The following MAML3 variants were observed in gnomAD, a reference collection of about 807,000 sequenced individuals.
The protein encoded by MAML3 is mastermind like transcriptional coactivator 3.
MAML3 carries 27 observed loss-of-function variants against 101.9 expected under a neutral mutation model. That is an observed-to-expected ratio of 0.27 (90% CI 0.20 to 0.37). MAML3 has a LOEUF of 0.37. MAML3 is among the 10% of genes least tolerant of loss of function. The pLI is 1.00. For missense variants in MAML3, 1,316 were observed against 1,444.9 expected (o/e 0.91, Z 1.45); for synonymous variants, 501 against 555.9 (o/e 0.90, Z 1.39).
intron 1 of MAML3, among the ~76,000 whole-genome samples, chr4:140,039,593 A>C (rs1214325635): frequency 6.6e-6 from 1 of 152,012 alleles, no homozygotes; most frequent in Non-Finnish European, 1.5e-5. Flanking sequence ...GGCACAGCCC[A>C]CCCACCCCGA....
intron 1 of MAML3, among the ~76,000 whole-genome samples, chr4:140,030,746 C>T (rs938723237): frequency 6.6e-6 from 1 of 152,214 alleles, no homozygotes; most frequent in African/African-American, 2.4e-5. Context: ...CAACTAAGTG[C>T]TCCAGGGGTA....
In MAML3 at chr4:139,733,755, G is replaced by A. The variant is rs1424417540; in HGVS notation, c.2080-3088C>T. ...GCTGGGGTGCAGTGGTATGATCATA[G>A]CTCACTGCAACCTCCAACTCCTGGG... On this transcript the variant is annotated intron_variant, in intron 2 of 4. Transcript: ENST00000509479. Among the ~76,000 whole-genome samples the A allele has an allele frequency of 8.5e-5, 13 of 152,142 alleles. 1 individual carries two copies. In the East Asian group the frequency reaches 1.9e-3, roughly 23 times the overall value.
chr4:140,118,310 G>A (rs900066531), intron 1 of MAML3, among the ~76,000 whole-genome samples: 4 of 151,888 alleles, frequency 2.6e-5, no homozygotes, highest in East Asian at 1.9e-4. Flanking sequence ...GCCTCTCTGC[G>A]CCTCAGTTTC....
intron 1 of MAML3, among the ~76,000 whole-genome samples, chr4:140,068,199 G>C (rs1270547683): frequency 6.6e-6 from 1 of 152,162 alleles, no homozygotes; most frequent in Non-Finnish European, 1.5e-5. Flanking sequence ...AATGGGAAGA[G>C]TGTCAACTAG....
chr4:139,803,840 G>C (rs560937299), intron 2 of MAML3, among the ~76,000 whole-genome samples: 1 of 152,288 alleles, frequency 6.6e-6, no homozygotes, highest in South Asian at 2.1e-4. Context: ...GGTCAGAGTT[G>C]AAGATCTTGC....
chr4:140,074,177 A>AAGAAAG (rs1560885440), intron 1 of MAML3, among the ~76,000 whole-genome samples: 2 of 53,580 alleles, frequency 3.7e-5, no homozygotes, highest in East Asian at 6.6e-4. Flanking sequence ...GAAAGAAAGA[A>AAGAAAG]AGAGAGAGAG....
At chr4:140,050,167 T>C (rs1272723786) in intron 1 of MAML3, among the ~76,000 whole-genome samples, 2 of 152,180 alleles carry the variant, frequency 1.3e-5, no homozygotes, top group African/African-American at 2.4e-5. Context: ...TATTCTTTCA[T>C]TTCTCTTAAT....
intron 1 of MAML3, among the ~76,000 whole-genome samples, chr4:140,033,494 G>C (rs1483339041): frequency 6.6e-6 from 1 of 152,128 alleles, no homozygotes; most frequent in African/African-American, 2.4e-5. Flanking sequence ...AGAAGGAAAG[G>C]CTGGGCAGGC....
chr4:140,034,868 T>A (rs1372134151), intron 1 of MAML3, among the ~76,000 whole-genome samples: 1 of 152,128 alleles, frequency 6.6e-6, no homozygotes, highest in Non-Finnish European at 1.5e-5. Context: ...TTGATGGAGG[T>A]TATACATGGG....
At chr4:139,864,783 A>G (rs1466462150) in intron 2 of MAML3, among the ~76,000 whole-genome samples, 1 of 151,706 alleles carries the variant, frequency 6.6e-6, no homozygotes, top group South Asian at 2.1e-4. Context: ...TGCCATCAAC[A>G]TGTTTGGGAG....
chr4:139,876,582 G>A (rs1239277410), intron 2 of MAML3, among the ~76,000 whole-genome samples: 1 of 152,214 alleles, frequency 6.6e-6, no homozygotes, highest in Non-Finnish European at 1.5e-5. Context: ...GCTCTGACTG[G>A]CCCCAGCAAG....
chr4:139,829,311 C>T (rs1479883917), intron 2 of MAML3, among the ~76,000 whole-genome samples: 1 of 152,080 alleles, frequency 6.6e-6, no homozygotes, highest in Non-Finnish European at 1.5e-5. Context: ...AAAGGTGATT[C>T]CTGAGTTAAA....
chr4:139,821,381 C>G (rs1399919729), intron 2 of MAML3, among the ~76,000 whole-genome samples: 2 of 152,278 alleles, frequency 1.3e-5, no homozygotes, highest in Non-Finnish European at 2.9e-5. Context: ...ACAAACCCTA[C>G]TGTGAACTGT....
chr4:140,121,545 T>C (rs1728606063), intron 1 of MAML3, among the ~76,000 whole-genome samples: 1 of 152,256 alleles, frequency 6.6e-6, no homozygotes, highest in Middle Eastern at 3.2e-3. Context: ...CATTGTTATA[T>C]ACTAGCCACT....
At chr4:139,758,829 A>G (rs10857325) in intron 2 of MAML3, among the ~76,000 whole-genome samples, 72,061 of 151,972 alleles carry the variant, frequency 0.47, 18,085 homozygotes, top group East Asian at 0.81. Flanking sequence ...CCTGAAGATC[A>G]CCAGCCACTG....
At chr4:139,770,792 C>G (rs1180635863) in intron 2 of MAML3, among the ~76,000 whole-genome samples, 1 of 152,160 alleles carries the variant, frequency 6.6e-6, no homozygotes, top group Non-Finnish European at 1.5e-5. Context: ...AAGTAAATGA[C>G]ATCAGAGAAA....
chr4:139,890,990 G>T lies in MAML3; in HGVS notation c.469-23C>A. ...TAGCTGGAAAAGAAACAGGAAAGAG[G>T]ATGACTAAACCTCCAAGTCATATTT... is the stretch of plus-strand genomic sequence containing the variant. On this transcript the variant is annotated intron_variant, in intron 1 of 4. Transcript: ENST00000509479. This position sits in a 1 kb window ranked among gnomAD's most constrained non-coding sequence, Gnocchi z 4.1. 1 of 1,599,228 alleles carries T rather than the reference G, an allele frequency of 6.3e-7. No individual in the cohort carries two copies. Among genetic ancestry groups the T allele is most frequent in the South Asian group, 1.1e-5 (1 of 89,446 alleles).
chr4:140,063,154 T>C (rs971752563), intron 1 of MAML3, among the ~76,000 whole-genome samples: 15 of 152,302 alleles, frequency 9.8e-5, no homozygotes, highest in Admixed American at 5.2e-4. Flanking sequence ...TTAAGAAGCA[T>C]GGCCAGAACT....
At chr4:140,124,105 G>A (rs1728650140) in intron 1 of MAML3, among the ~76,000 whole-genome samples, 1 of 152,136 alleles carries the variant, frequency 6.6e-6, no homozygotes. Context: ...CTTCTACCTT[G>A]AGTAGTCAAA....
Sources: allele counts gnomAD v4.1 joint callset (sites outside exome capture counted in the v4.1 genomes callset), GRCh38; gene constraint gnomAD v4.1.1; non-coding constraint Gnocchi (gnomAD v3.1); transcripts MANE v1.5; gene names NCBI Gene and HGNC (gene_info 2026-07-23, HGNC 2026-07-21).